PHF19: variants seen among roughly 807,000 people sequenced by gnomAD.
The protein encoded by PHF19 is PHD finger protein 19.
PHF19 carries 21 observed loss-of-function variants against 79.8 expected under a neutral mutation model. The ratio of observed to expected loss-of-function variants is 0.26; its 90% CI spans 0.19 to 0.38. PHF19 has a LOEUF of 0.38. PHF19 is among the 10% of genes least tolerant of loss of function. The pLI is 1.00. For missense variants in PHF19, 445 were observed against 744.2 expected (o/e 0.60, Z 4.68); for synonymous variants, 273 against 296.3 (o/e 0.92, Z 0.81).
At chr9:120,876,428 C>CGGGCGGGGGCCCCCGGG (rs1588125038) in intron 1 of PHF19, 1 of 152,080 alleles carries the variant, frequency 6.6e-6, no homozygotes, top group Non-Finnish European at 1.5e-5. Context: ...CCACCCTGGC[C>CGGGCGGGGGCCCCCGGG]GGGCGGGGGC....
At chr9:120,881,131 G>T (rs2046174407), upstream of PHF19, among the ~76,000 whole-genome samples, 1 of 149,108 alleles carries the variant, frequency 6.7e-6, no homozygotes, top group African/African-American at 2.5e-5. Flanking sequence ...AGATCAGAAG[G>T]AAGCACATCG....
chr9:120,881,272 C>T (rs569707252), upstream of PHF19, among the ~76,000 whole-genome samples: 37 of 151,314 alleles, frequency 2.4e-4, no homozygotes, highest in South Asian at 5.0e-3. Context: ...CTCAGCCTCC[C>T]GAGTAGCTGG....
At chr9:120,867,073 G>C (rs767937212) in intron 6 of PHF19, 108 bp from the exon 7 acceptor site, 1 of 690,240 alleles carries the variant, frequency 1.4e-6, no homozygotes, top group African/African-American at 1.7e-5. Flanking sequence ...AGAAAGGGAA[G>C]AGAATTCAGT....
chr9:120,893,300 G>C (rs573639091), intron 1 of PHF19, among the ~76,000 whole-genome samples: 1 of 152,156 alleles, frequency 6.6e-6, no homozygotes, highest in East Asian at 1.9e-4. Flanking sequence ...AATAAAATGG[G>C]GAGGCCTTCC....
Position 120,891,293 on chromosome 9 carries a change from C to G in PHF19, c.42+3495G>C, listed in dbSNP as rs1190593007. The stretch of plus-strand genomic sequence containing the variant: ...CCTTTCCCCTTCTTCTCCTCTCCTT[C>G]CCTCCCCTCCCCTCTCTGAGGAACT... On this transcript the variant is annotated intron_variant, in intron 1 of 14. Coordinates refer to the PHF19 transcript ENST00000616568. This position sits in a 1 kb window ranked among gnomAD's most constrained non-coding sequence, Gnocchi z 4.3. Among the ~76,000 whole-genome samples, 1 of 151,820 alleles carries G rather than the reference C, an allele frequency of 6.6e-6. No homozygotes were observed. Among genetic ancestry groups the G allele is most frequent in the Non-Finnish European group, 1.5e-5 (1 of 67,970 alleles).
the PHF19 span, among the ~76,000 whole-genome samples, chr9:120,901,787 A>G: frequency 6.6e-6 from 1 of 152,186 alleles, no homozygotes; most frequent in Admixed American, 6.5e-5. Flanking sequence ...CCTCCCATCC[A>G]GCAGGAAGCA....
chr9:120,869,827 G>C lies in PHF19; in HGVS notation c.465+18C>G, dbSNP rs768353498. ...AGGAGGCAGGAGAGGCAGGGACTGG[G>C]GAGGATGGAAGGCTCACCCGCACAG... On this transcript the variant is annotated intron_variant, in intron 5 of 14. Coordinates refer to ENST00000373896, the MANE Select transcript of PHF19 (RefSeq NM_015651.3). The surrounding 1 kb of genome is among the most constrained non-coding windows in gnomAD (Gnocchi z 5.8). 1.9e-6 allele frequency: 3 copies of C among 1,612,988 alleles called. No individual in the cohort carries two copies. The highest frequency in any genetic ancestry group is 2.5e-6 in the Non-Finnish European group (3 of 1,179,644).
At chr9:120,894,525 C>G (rs1297883445) in intron 1 of PHF19, among the ~76,000 whole-genome samples, 2 of 152,048 alleles carry the variant, frequency 1.3e-5, no homozygotes, top group Admixed American at 1.3e-4. Context: ...CACGACGCCT[C>G]CCACCCGCCT....
chr9:120,891,893 A>C lies in PHF19; in HGVS notation c.42+2895T>G, dbSNP rs577697193. On this transcript the variant is annotated intron_variant, in intron 1 of 14. Transcript: ENST00000616568. The surrounding 1 kb of genome is among the most constrained non-coding windows in gnomAD (Gnocchi z 4.3). ...AAGTCTCCTGGTGATCCTTCTGCAC[A>C]CAAATGTGCCAGGGCTCAAAACATC... Among the ~76,000 whole-genome samples the C allele has an allele frequency of 6.6e-6, 1 of 152,294 alleles. No individual in the cohort carries two copies. Among genetic ancestry groups the C allele is most frequent in the East Asian group, 1.9e-4 (1 of 5,178 alleles).
intron 1 of PHF19, among the ~76,000 whole-genome samples, chr9:120,889,586 A>T (rs2046313297): frequency 6.8e-6 from 1 of 147,728 alleles, no homozygotes; most frequent in Admixed American, 6.7e-5. Context: ...ACGAAAAATT[A>T]AAAAATTAGC....
the PHF19 span, among the ~76,000 whole-genome samples, chr9:120,901,597 G>C: frequency 6.6e-6 from 1 of 152,186 alleles, no homozygotes; most frequent in Non-Finnish European, 1.5e-5. Context: ...GGATTAAAGG[G>C]TGCTTGCCAC....
chr9:120,887,619 CAA>C (rs1491489153), intron 1 of PHF19, among the ~76,000 whole-genome samples: 60 of 110,130 alleles, frequency 5.4e-4, no homozygotes, highest in Admixed American at 1.1e-3. Context: ...TGTTTATGAA[CAA>C]ACACACACAC....
intron 1 of PHF19, among the ~76,000 whole-genome samples, chr9:120,876,596 G>C (rs2046065149): frequency 6.6e-6 from 1 of 152,212 alleles, no homozygotes; most frequent in South Asian, 2.1e-4. Flanking sequence ...CGCGGGGCCG[G>C]GCGGGGGCAG....
upstream of PHF19, among the ~76,000 whole-genome samples, chr9:120,895,413 C>G (rs569280954): frequency 4.0e-5 from 6 of 149,534 alleles, no homozygotes; most frequent in East Asian, 3.9e-4. Flanking sequence ...AGCAAGATCC[C>G]GTCTCAAAAA....
chr9:120,882,681 A>G (rs2046203550), intron 1 of PHF19, among the ~76,000 whole-genome samples: 1 of 152,034 alleles, frequency 6.6e-6, no homozygotes, highest in Admixed American at 6.6e-5. Flanking sequence ...ATCTTTACTA[A>G]AAATACAAAA....
chr9:120,870,069 G>A lies in PHF19; in HGVS notation c.365-124C>T. On this transcript the variant is annotated intron_variant, in intron 4 of 14. Transcript: ENST00000373896. This position sits in a 1 kb window ranked among gnomAD's most constrained non-coding sequence, Gnocchi z 4.4. ...TAGGAGCTCTGCCTGCCAGCTGCCG[G>A]GAGCCTGGCTGCTGGTGCCCACCAA... 1 of 1,400,368 alleles carries A rather than the reference G, an allele frequency of 7.1e-7. No individual in the cohort carries two copies. 86.7% of individuals were successfully genotyped at this position (1,400,368 alleles called of 1,614,324 possible). A position where few individuals can be genotyped will look rare whatever the true frequency, so the allele number is the denominator to read the frequency against.
upstream of PHF19, among the ~76,000 whole-genome samples, chr9:120,897,978 CA>C (rs577932181): frequency 0.013 from 1,258 of 99,616 alleles, 11 homozygotes; most frequent in African/African-American, 0.044. Context: ...GACCCCGTCT[CA>C]AAAAAAAAAA....
intron 3 of PHF19, among the ~76,000 whole-genome samples, chr9:120,871,306 A>G (rs1455005244): frequency 6.6e-6 from 1 of 152,190 alleles, no homozygotes; most frequent in East Asian, 1.9e-4. Context: ...ATTATTTTAA[A>G]TTGAGTCCCA....
At chr9:120,879,148 T>C (rs141015260), upstream of PHF19, among the ~76,000 whole-genome samples, 1 of 152,306 alleles carries the variant, frequency 6.6e-6, no homozygotes, top group African/African-American at 2.4e-5. Context: ...TTGGGAAGGT[T>C]AGAGTTAATG....
Sources: allele counts gnomAD v4.1 joint callset (sites outside exome capture counted in the v4.1 genomes callset), GRCh38; gene constraint gnomAD v4.1.1; non-coding constraint Gnocchi (gnomAD v3.1); transcripts MANE v1.5; gene names NCBI Gene and HGNC (gene_info 2026-07-23, HGNC 2026-07-21).